The following CEP162 variants were observed in gnomAD, a reference collection of about 807,000 sequenced individuals.
CEP162 encodes the protein centrosomal protein of 162 kDa.
In CEP162, 141 loss-of-function variants were observed where a neutral mutation model predicts 169.2. The observed-to-expected ratio is 0.83, with a 90% CI of 0.73 to 0.96. The LOEUF (loss-of-function observed/expected upper bound fraction) is 0.96, where lower values mean the gene tolerates loss of function less well. Ranked by LOEUF, CEP162 falls within the 40% of genes least tolerant of loss-of-function variation. The pLI, the probability that CEP162 is intolerant of heterozygous loss-of-function variation, is 0.00. For missense variants in CEP162, 1,600 were observed against 1,587.2 expected, an observed-to-expected ratio of 1.01 and a Z score of -0.14; for synonymous variants, 540 against 526.4, an observed-to-expected ratio of 1.03 and a Z score of -0.35.
intron 3 of CEP162, among the ~76,000 whole-genome samples, chr6:84,216,402 T>C (rs1047449366): frequency 1.3e-5 from 2 of 152,110 alleles, no homozygotes; most frequent in African/African-American, 2.4e-5. Flanking sequence ...TTAGTGTAAA[T>C]ATCATTTCAA....
At chr6:84,127,758 C>T (rs16874278) in intron 25 of CEP162, among the ~76,000 whole-genome samples, 6,680 of 152,054 alleles carry the variant, frequency 0.044, 477 homozygotes, top group African/African-American at 0.15. Flanking sequence ...AGTTAGGAAG[C>T]TCTGGTTTTC....
chr6:84,178,325 C>T (rs2099533216), intron 13 of CEP162, among the ~76,000 whole-genome samples: 1 of 151,406 alleles, frequency 6.6e-6, no homozygotes, highest in African/African-American at 2.4e-5. Flanking sequence ...TTGAAATAAT[C>T]TAATGTCTGG....
In CEP162 at chr6:84,192,484, T is replaced by C. The variant is rs1350223706; in HGVS notation, c.1109+1125A>G. 2.1e-4 allele frequency among the ~76,000 whole-genome samples: 32 copies of C among 152,230 alleles called. 1 individual carries two copies. Among genetic ancestry groups the C allele is most frequent in the Admixed American group, 2.1e-3 (32 of 15,282 alleles). ...AATACTAATTAGCACTACAGATCAA[T>C]GGAAGACTACTACACTTAGCATTGA... is the stretch of plus-strand genomic sequence containing the variant. On this transcript the variant is annotated intron_variant, in intron 11 of 26. Coordinates refer to ENST00000403245, the MANE Select transcript of CEP162 (RefSeq NM_014895.4).
chr6:84,156,134 C>T (rs2099523061), intron 21 of CEP162, among the ~76,000 whole-genome samples: 1 of 152,062 alleles, frequency 6.6e-6, no homozygotes, highest in East Asian at 1.9e-4. Context: ...AGGGAAAGGA[C>T]ACCCTATTCA....
At chr6:84,138,932 C>T (rs1016693504) in intron 25 of CEP162, among the ~76,000 whole-genome samples, 1 of 152,176 alleles carries the variant, frequency 6.6e-6, no homozygotes. Flanking sequence ...AAAACTGACA[C>T]TTGCGTAATT....
chr6:84,174,000 A>G (rs2099531234), intron 16 of CEP162, 48 bp downstream of exon 16: 2 of 1,542,090 alleles, frequency 1.3e-6, no homozygotes, highest in African/African-American at 1.4e-5. Flanking sequence ...TATTTTTATA[A>G]CTAAAAGATC....
intron 13 of CEP162, among the ~76,000 whole-genome samples, chr6:84,179,813 T>C (rs143903283): frequency 1.3e-5 from 2 of 152,122 alleles, no homozygotes; most frequent in African/African-American, 2.4e-5. Context: ...AATCCCTGAA[T>C]AGACCACTAA....
At chr6:84,207,822 T>C (rs934995079) in intron 6 of CEP162, among the ~76,000 whole-genome samples, 3 of 152,216 alleles carry the variant, frequency 2.0e-5, no homozygotes, top group African/African-American at 7.2e-5. Flanking sequence ...CTGAGTTTTA[T>C]ATTTTTAGTC....
intron 17 of CEP162, among the ~76,000 whole-genome samples, chr6:84,170,208 C>T (rs1375166565): frequency 6.6e-6 from 1 of 151,504 alleles, no homozygotes; most frequent in African/African-American, 2.4e-5. Context: ...TCTGTCTCTA[C>T]TAAAAAATAC....
chr6:84,226,326 T>A lies in CEP162; in HGVS notation c.57+11A>T, dbSNP rs776476814. 1 of 1,526,228 alleles carries A rather than the reference T, an allele frequency of 6.6e-7. No homozygotes were observed. The allele number at this position is 1,526,228 out of a possible 1,614,324, so 94.5% of individuals were successfully genotyped here. ...AATTTGACAATATAGCTTTTAAAAA[T>A]ATAAACTTACCTCTTTCATAAACTG... On this transcript the variant is annotated intron_variant, in intron 2 of 26. Transcript: ENST00000403245.
chr6:84,153,383 G>A (rs2099521873), intron 22 of CEP162, among the ~76,000 whole-genome samples: 1 of 152,074 alleles, frequency 6.6e-6, no homozygotes, highest in Admixed American at 6.6e-5. Flanking sequence ...CTTGATATAT[G>A]TTATGTTATT....
intron 25 of CEP162, among the ~76,000 whole-genome samples, chr6:84,129,232 G>C (rs2099510209): frequency 6.6e-6 from 1 of 152,132 alleles, no homozygotes; most frequent in Admixed American, 6.5e-5. Flanking sequence ...GGGTCAAATG[G>C]TATTTCTAGT....
At chr6:84,220,468 A>T (rs913300129) in intron 3 of CEP162, among the ~76,000 whole-genome samples, 1 of 151,958 alleles carries the variant, frequency 6.6e-6, no homozygotes, top group Non-Finnish European at 1.5e-5. Flanking sequence ...TACAAGAAAT[A>T]AAAAAAATTA....
At position 84,174,949 on chromosome 6, in the gene CEP162, G is replaced by T; in HGVS notation, c.1803C>A (p.Ser601=). Residue 601 remains serine, a synonymous_variant, in exon 15 of 27, where the codon TCC becomes TCA. Transcript: ENST00000403245. ...TDSCIQFQTD[S]LGYCGENKEK... Reference sequence around the variant, plus strand: ...CCTTGTTCTCACCACAGTATCCTAAGGAATCCTTTCAAGACAAAGCATTAC... The same window carrying T: ...CCTTGTTCTCACCACAGTATCCTAATGAATCCTTTCAAGACAAAGCATTAC... The T allele has an allele frequency of 6.3e-7, 1 of 1,590,390 alleles. No individual in the cohort carries two copies.
intron 3 of CEP162, among the ~76,000 whole-genome samples, chr6:84,216,410 CA>C (rs1447602285): frequency 6.6e-6 from 1 of 151,936 alleles, no homozygotes; most frequent in African/African-American, 2.4e-5. Flanking sequence ...AATATCATTT[CA>C]AAAAATAGAT....
At chr6:84,209,499 T>C (rs2099548615) in intron 6 of CEP162, among the ~76,000 whole-genome samples, 2 of 151,840 alleles carry the variant, frequency 1.3e-5, no homozygotes, top group South Asian at 2.1e-4. Context: ...CTCAGCCTCC[T>C]GAGTAGCTGG....
At chr6:84,168,468 G>A (rs556243206) in intron 18 of CEP162, among the ~76,000 whole-genome samples, 1 of 152,024 alleles carries the variant, frequency 6.6e-6, no homozygotes, top group East Asian at 1.9e-4. Context: ...AAAATAACTG[G>A]AATTTTTCTA....
intron 13 of CEP162, among the ~76,000 whole-genome samples, chr6:84,181,362 T>C (rs930160551): frequency 6.6e-6 from 1 of 152,176 alleles, no homozygotes; most frequent in African/African-American, 2.4e-5. Flanking sequence ...CAAGATGGAT[T>C]AAAGACTTAA....
chr6:84,187,131 T>C (rs945340517), intron 11 of CEP162, among the ~76,000 whole-genome samples: 8 of 152,096 alleles, frequency 5.3e-5, no homozygotes, highest in African/African-American at 1.9e-4. Flanking sequence ...TAGGAAAAAT[T>C]TTAATGTAAA....
Sources: gnomAD v4.1 joint callset for allele counts (sites outside exome capture counted in the v4.1 genomes callset) on GRCh38, gnomAD v4.1.1 for gene constraint, MANE v1.5 for transcripts, NCBI Gene and HGNC (gene_info 2026-07-23, HGNC 2026-07-21) for gene names.